Variants in UQCRFS1 observed in about 807,000 individuals in gnomAD.
UQCRFS1 encodes cytochrome b-c1 complex subunit Rieske, mitochondrial.
A neutral mutation model predicts 15.6 loss-of-function variants in UQCRFS1; 6 were observed. That is an observed-to-expected ratio of 0.38 (90% CI 0.21 to 0.76). The LOEUF is 0.76. UQCRFS1 is among the 30% of genes least tolerant of loss of function. The probability of loss-of-function intolerance (pLI) is 0.44; values close to 1 mark genes in which losing one functional copy is unlikely to be tolerated. For missense variants in UQCRFS1, 203 were observed against 366.7 expected, an observed-to-expected ratio of 0.55 and a Z score of 3.65; for synonymous variants, 105 against 154.3, an observed-to-expected ratio of 0.68 and a Z score of 2.37.
chr19:29,213,098 G>A lies in UQCRFS1; in HGVS notation c.21C>T (p.Arg7=), dbSNP rs764974154. The change falls in exon 1 of 2, where the codon CGC becomes CGT. Residue 7 remains arginine, a synonymous_variant. Coordinates refer to ENST00000304863, the MANE Select transcript of UQCRFS1 (RefSeq NM_006003.3). MLSVAS[R]SGPFAPVLSA... The stretch of plus-strand genomic sequence containing the variant: ...ACAGGACGGGCGCGAACGGGCCTGA[G>A]CGGGATGCTACCGACAACATGGCGA... 6 of 1,511,584 alleles carry A rather than the reference G, an allele frequency of 4.0e-6. No homozygotes were observed. In the African/African-American group the frequency reaches 8.6e-5, roughly 22 times the overall value. The allele number at this position is 1,511,584 out of a possible 1,614,324, so 93.6% of individuals were successfully genotyped here.
Position 29,207,078 on chromosome 19 carries a change from G to A in UQCRFS1, c.*470C>T, listed in dbSNP as rs1252812506. The A allele has an allele frequency of 6.3e-6, 1 of 158,632 alleles. No individual in the cohort carries two copies. Among genetic ancestry groups the A allele is most frequent in the Non-Finnish European group, 1.4e-5 (1 of 72,368 alleles). 9.8% of individuals were successfully genotyped at this position (158,632 alleles called of 1,614,324 possible). On this transcript the variant is annotated 3_prime_UTR_variant, in exon 2 of 2. Coordinates refer to ENST00000304863, the MANE Select transcript of UQCRFS1 (RefSeq NM_006003.3). ...ACAGTAGGGAGGAAATGCATAGCCA[G>A]GACTCTTACCAAGTCCGGTAAATAA...
intron 1 of UQCRFS1, 65 bp downstream of exon 1, chr19:29,212,840 T>C (rs891774885): frequency 2.2e-6 from 3 of 1,345,326 alleles, no homozygotes; most frequent in East Asian, 3.1e-5. Context: ...CGCTCCCTGC[T>C]GGGGGCCGGA....
chr19:29,209,871 T>G (rs1481075807), intron 1 of UQCRFS1, among the ~76,000 whole-genome samples: 1 of 152,180 alleles, frequency 6.6e-6, no homozygotes, highest in East Asian at 1.9e-4. Context: ...GCCCTTCTCA[T>G]TCAGAGATTT....
chr19:29,211,518 T>C (rs1375162447), intron 1 of UQCRFS1, among the ~76,000 whole-genome samples: 1 of 152,188 alleles, frequency 6.6e-6, no homozygotes, highest in Non-Finnish European at 1.5e-5. Context: ...GCACTAACTG[T>C]ATACAAAATC....
rs56360328 is a variant in UQCRFS1, at chr19:29,206,223, CAT to C, written c.*1323_*1324del. ...CTTCTGTGTCCCACCAATTATCACA[CAT>C]GCTAATTTCATTTCTAGAATGGTAA... On this transcript the variant is annotated 3_prime_UTR_variant, in exon 2 of 2. Coordinates refer to ENST00000304863, the MANE Select transcript of UQCRFS1 (RefSeq NM_006003.3). 66,145 of 151,492 alleles carry C rather than the reference CAT, an allele frequency of 0.44. 15,963 individuals are homozygous for C. Among genetic ancestry groups the C allele is most frequent in the Non-Finnish European group, 0.53 (36,037 of 67,672 alleles). 9.4% of individuals were successfully genotyped at this position (151,492 alleles called of 1,614,324 possible).
rs1311224460 is a variant in UQCRFS1, at chr19:29,206,293, T to C, written c.*1255A>G. On this transcript the variant is annotated 3_prime_UTR_variant, in exon 2 of 2. Transcript: ENST00000304863. ...GTATCTACTCATAAGCATAGAAAGTTTGACATTTTCTTTTTTCTGTCAACA... is the reference window on the plus strand; with the variant it reads ...GTATCTACTCATAAGCATAGAAAGTCTGACATTTTCTTTTTTCTGTCAACA... 1 of 152,234 alleles carries C rather than the reference T, an allele frequency of 6.6e-6. No individual in the cohort carries two copies. 9.4% of individuals were successfully genotyped at this position (152,234 alleles called of 1,614,324 possible).
In UQCRFS1 at chr19:29,206,010, T is replaced by C. The variant is rs11083852; in HGVS notation, c.*1538A>G. 141,564 of 152,242 alleles carry C rather than the reference T, an allele frequency of 0.93. 65,832 individuals are homozygous for C. The highest frequency in any genetic ancestry group is 1 in the East Asian group (5,159 of 5,162). 9.4% of individuals were successfully genotyped at this position (152,242 alleles called of 1,614,324 possible). A position where few individuals can be genotyped will look rare whatever the true frequency, so the allele number is the denominator to read the frequency against. The stretch of plus-strand genomic sequence containing the variant: ...TATCACTTCAGGGTGGGAGGTGATA[T>C]AGGTTATCAGTATTTCTCTATAGGG... On this transcript the variant is annotated 3_prime_UTR_variant, in exon 2 of 2. Coordinates refer to ENST00000304863, the MANE Select transcript of UQCRFS1 (RefSeq NM_006003.3).
At chr19:29,208,817 T>C (rs544262086) in intron 1 of UQCRFS1, among the ~76,000 whole-genome samples, 256 of 152,230 alleles carry the variant, frequency 1.7e-3, no homozygotes, top group Non-Finnish European at 3.0e-3. Context: ...AAACCACTAA[T>C]AGGCAGAGAA....
chr19:29,212,893 G>GC lies in UQCRFS1; in HGVS notation c.214+11dup. ...ACCCCCAGCCCTGCTCGCGGCCCTCGCCCCGGCTCACCATTGAGGCCCACG... is the reference window on the plus strand; with the variant it reads ...ACCCCCAGCCCTGCTCGCGGCCCTCGCCCCCGGCTCACCATTGAGGCCCACG... On this transcript the variant is annotated intron_variant, in intron 1 of 1. Coordinates refer to ENST00000304863, the MANE Select transcript of UQCRFS1 (RefSeq NM_006003.3). The GC allele has an allele frequency of 7.0e-7, 1 of 1,427,128 alleles. No individual in the cohort carries two copies. Among genetic ancestry groups the GC allele is most frequent in the Non-Finnish European group, 9.1e-7 (1 of 1,101,460 alleles). 88.4% of individuals were successfully genotyped at this position (1,427,128 alleles called of 1,614,324 possible).
At chr19:29,212,490 G>A (rs548846449) in intron 1 of UQCRFS1, among the ~76,000 whole-genome samples, 2 of 152,152 alleles carry the variant, frequency 1.3e-5, no homozygotes, top group East Asian at 3.9e-4. Flanking sequence ...TCTTAAGCAT[G>A]TAAGTGCCCA....
chr19:29,211,023 T>G (rs1394267919), intron 1 of UQCRFS1, among the ~76,000 whole-genome samples: 1 of 151,974 alleles, frequency 6.6e-6, no homozygotes, highest in East Asian at 1.9e-4. Flanking sequence ...CAGCACCTGT[T>G]GTTTCCTGAC....
At chr19:29,210,106 GTTTTA>G (rs1054433833) in intron 1 of UQCRFS1, among the ~76,000 whole-genome samples, 141 of 152,278 alleles carry the variant, frequency 9.3e-4, no homozygotes, top group African/African-American at 3.0e-3. Flanking sequence ...AACAAAACAA[GTTTTA>G]TTTTAAGGTT....
rs971789072 is a variant in UQCRFS1, at chr19:29,206,911, T to A, written c.*637A>T. ...AGGATTAAGTACTAATTTACACTCA[T>A]AAGGGACTAATAAAATTTCCTGGCC... On this transcript the variant is annotated 3_prime_UTR_variant, in exon 2 of 2. Transcript: ENST00000304863. 6.6e-6 allele frequency: 1 copy of A among 152,394 alleles called. No homozygotes were observed. The highest frequency in any genetic ancestry group is 2.4e-5 in the African/African-American group (1 of 41,458). The allele number at this position is 152,394 out of a possible 1,614,324, so 9.4% of individuals were successfully genotyped here. A position where few individuals can be genotyped will look rare whatever the true frequency, so the allele number is the denominator to read the frequency against.
Position 29,207,940 on chromosome 19 carries a change from C to T in UQCRFS1, c.433G>A (p.Asp145Asn). 1 of 1,614,016 alleles carries T rather than the reference C, an allele frequency of 6.2e-7. No homozygotes were observed. Among genetic ancestry groups the T allele is most frequent in the Non-Finnish European group, 8.5e-7 (1 of 1,179,870 alleles). Residue 145 changes from aspartate to asparagine, a missense_variant, in exon 2 of 2, where the codon GAT becomes AAT. Asp to Asn is a conservative substitution (Grantham distance 23, BLOSUM62 1). Around this residue, in one of 3 missense-constraint regions of UQCRFS1, gnomAD observed 91 missense variants for 186.9 expected, o/e 0.49. Coordinates refer to ENST00000304863, the MANE Select transcript of UQCRFS1 (RefSeq NM_006003.3). ...QFVSSMSASA[D>N]VLALAKIEIK... Reference sequence around the variant, plus strand: ...TCGATTTTCGCCAGGGCCAACACATCAGCAGAAGCACTCATGCTGGAAACG... The same window carrying T: ...TCGATTTTCGCCAGGGCCAACACATTAGCAGAAGCACTCATGCTGGAAACG...
chr19:29,212,881 C>T (rs1367793031), intron 1 of UQCRFS1, 24 bp downstream of exon 1: 2 of 1,423,922 alleles, frequency 1.4e-6, no homozygotes, highest in Non-Finnish European at 9.1e-7. Context: ...CCCAGCCCTG[C>T]TCGCGGCCCT....
At position 29,207,326 on chromosome 19, in the gene UQCRFS1, G is replaced by A. The variant is rs1407162751; in HGVS notation, c.*222C>T. On this transcript the variant is annotated 3_prime_UTR_variant, in exon 2 of 2. Transcript: ENST00000304863. ...TTAGCTAAAAGACATTGTACCTTTC[G>A]CGTGTATGACTGAGCATAACAGTGC... 11 of 509,090 alleles carry A rather than the reference G, an allele frequency of 2.2e-5. No individual in the cohort carries two copies. Among genetic ancestry groups the A allele is most frequent in the East Asian group, 1.4e-4 (4 of 29,394 alleles). The allele number at this position is 509,090 out of a possible 1,614,324, so 31.5% of individuals were successfully genotyped here.
chr19:29,212,769 C>T, intron 1 of UQCRFS1, 136 bp downstream of exon 1: 1 of 948,158 alleles, frequency 1.1e-6, no homozygotes, highest in South Asian at 2.8e-5. Context: ...GGGGGCCAGG[C>T]CCAGAGTTGC....
chr19:29,208,478 A>G (rs530511247), intron 1 of UQCRFS1, among the ~76,000 whole-genome samples: 1 of 152,314 alleles, frequency 6.6e-6, no homozygotes, highest in South Asian at 2.1e-4. Context: ...TAAAAACGTT[A>G]AACAGCAAAA....
At position 29,207,820 on chromosome 19, in the gene UQCRFS1, C is replaced by G; in HGVS notation, c.553G>C (p.Glu185Gln). ...GATAATTCAACTGCAGCTTCCTGCT[C>G]AATTTCCTTCTGGGTTCTATGACGC... is the stretch of plus-strand genomic sequence containing the variant. ...FVRHRTQKEIEQEAAVELSQL... is the reference protein window; with the variant it reads ...FVRHRTQKEIQQEAAVELSQL... Residue 185 changes from glutamate (E) to glutamine (Q), a missense_variant, in exon 2 of 2, where the codon GAG becomes CAG. This residue lies in a region of UQCRFS1 where 91 missense variants were observed against 186.9 expected (regional missense o/e 0.49). Coordinates refer to ENST00000304863, the MANE Select transcript of UQCRFS1 (RefSeq NM_006003.3). The G allele has an allele frequency of 5.6e-6, 9 of 1,596,480 alleles. No individual in the cohort carries two copies. Among genetic ancestry groups the G allele is most frequent in the Non-Finnish European group, 6.8e-6 (8 of 1,171,804 alleles).
Sources: gnomAD v4.1 joint callset for allele counts (sites outside exome capture counted in the v4.1 genomes callset) on GRCh38, gnomAD v4.1.1 for gene constraint, gnomAD v4.1.1 regional missense constraint, MANE v1.5 for transcripts, NCBI Gene and HGNC (gene_info 2026-07-23, HGNC 2026-07-21) for gene names.